SDK1: variants seen among roughly 807,000 people sequenced by gnomAD.
SDK1 encodes the protein protein sidekick-1.
A neutral mutation model predicts 245.5 loss-of-function variants in SDK1; 157 were observed. The ratio of observed to expected loss-of-function variants is 0.64; its 90% CI spans 0.56 to 0.73. The LOEUF is 0.73. Among genes scored for constraint, SDK1 ranks in the 30% least tolerant of loss-of-function variants. SDK1 has a pLI of 0.00. For synonymous variants in SDK1, 1,647 were observed against 1,278.5 expected (o/e 1.29, Z -6.15); for missense variants, 3,583 against 3,002.3 (o/e 1.19, Z -4.52).
chr7:4,154,531 G>A (rs1780598086), intron 30 of SDK1, among the ~76,000 whole-genome samples: 2 of 152,180 alleles, frequency 1.3e-5, no homozygotes, highest in South Asian at 4.1e-4. Context: ...CTGGGGACAA[G>A]TGAGGGCTCC....
chr7:3,367,187 C>T (rs942719453), intron 1 of SDK1, among the ~76,000 whole-genome samples: 2 of 150,324 alleles, frequency 1.3e-5, no homozygotes, highest in East Asian at 3.9e-4. Context: ...TTATTTTTTG[C>T]CAGGAATGAG....
intron 5 of SDK1, among the ~76,000 whole-genome samples, chr7:3,843,669 T>C (rs1322229387): frequency 1.3e-5 from 2 of 152,220 alleles, no homozygotes; most frequent in African/African-American, 2.4e-5. Flanking sequence ...ATTATGAAGC[T>C]GGTCTCAGAA....
At chr7:3,470,158 A>T (rs1208394347) in intron 1 of SDK1, among the ~76,000 whole-genome samples, 1 of 152,092 alleles carries the variant, frequency 6.6e-6, no homozygotes, top group East Asian at 1.9e-4. Context: ...GTCTAGTTTG[A>T]ATCTACATAC....
At chr7:3,989,741 C>T (rs762629999) in intron 14 of SDK1, among the ~76,000 whole-genome samples, 7 of 152,320 alleles carry the variant, frequency 4.6e-5, no homozygotes, top group African/African-American at 1.2e-4. Flanking sequence ...AGCCTGTACA[C>T]GCCCCCAGCA....
At chr7:3,999,575 G>T (rs1413473291) in intron 14 of SDK1, among the ~76,000 whole-genome samples, 1 of 152,170 alleles carries the variant, frequency 6.6e-6, no homozygotes, top group East Asian at 1.9e-4. Context: ...CGGGGCGGGG[G>T]AGGCTGGTGG....
At chr7:4,254,514 A>G (rs999054459) in intron 44 of SDK1, among the ~76,000 whole-genome samples, 1 of 152,054 alleles carries the variant, frequency 6.6e-6, no homozygotes, top group Non-Finnish European at 1.5e-5. Flanking sequence ...AATTGTCATC[A>G]TACCTTTAAT....
At chr7:3,449,733 G>A (rs986365588) in intron 1 of SDK1, among the ~76,000 whole-genome samples, 1 of 152,202 alleles carries the variant, frequency 6.6e-6, no homozygotes, top group Non-Finnish European at 1.5e-5. Context: ...AGAGACCTGT[G>A]TAACTAGTTT....
chr7:4,015,957 T>G (rs907363289), intron 16 of SDK1, among the ~76,000 whole-genome samples: 6 of 152,268 alleles, frequency 3.9e-5, no homozygotes, highest in African/African-American at 1.4e-4. Context: ...TGACCATTTC[T>G]CGATTTCCTC....
At chr7:3,999,614 C>A (rs1369090577) in intron 14 of SDK1, among the ~76,000 whole-genome samples, 2 of 152,222 alleles carry the variant, frequency 1.3e-5, no homozygotes, top group Admixed American at 6.5e-5. Flanking sequence ...GGATGCAGGG[C>A]AGCAAAATGG....
At chr7:3,430,686 C>G (rs1272609811) in intron 1 of SDK1, among the ~76,000 whole-genome samples, 1 of 152,172 alleles carries the variant, frequency 6.6e-6, no homozygotes, top group Non-Finnish European at 1.5e-5. Flanking sequence ...CATTGACTGA[C>G]CCAACTGGAG....
intron 5 of SDK1, among the ~76,000 whole-genome samples, chr7:3,926,533 C>A (rs1439195352): frequency 6.7e-6 from 1 of 149,316 alleles, no homozygotes; most frequent in Non-Finnish European, 1.5e-5. Context: ...TGATCTCGGC[C>A]CACTGCAGCC....
rs1172049950 is a variant in SDK1, at chr7:3,734,942, C to G, written c.714-86508C>G. On this transcript the variant is annotated intron_variant, in intron 4 of 44. Transcript: ENST00000404826. ...AAGTAAGCAGTCTGCCTTGAGTGCCCTGTGTCCTTCATTCTCCCGACGTGC... is the reference window on the plus strand; with the variant it reads ...AAGTAAGCAGTCTGCCTTGAGTGCCGTGTGTCCTTCATTCTCCCGACGTGC... 2.0e-5 allele frequency among the ~76,000 whole-genome samples: 3 copies of G among 152,282 alleles called. No homozygotes were observed. The East Asian group carries it at 5.8e-4, about 29-fold the overall frequency.
chr7:3,566,504 C>T (rs1384534867), intron 1 of SDK1, among the ~76,000 whole-genome samples: 2 of 152,016 alleles, frequency 1.3e-5, no homozygotes, highest in Admixed American at 6.5e-5. Context: ...GGATTACAGG[C>T]GTGAGCCACC....
In SDK1 at chr7:3,389,949, T is replaced by C. The variant is rs1286102590; in HGVS notation, c.298+88065T>C. Among the ~76,000 whole-genome samples the C allele has an allele frequency of 1.3e-5, 2 of 152,290 alleles. 1 individual carries two copies. The highest frequency in any genetic ancestry group is 4.1e-4 in the South Asian group (2 of 4,830). ...AGTGTTTAATGTAGATATTAAAGAC[T>C]GCTGGTGAGGGCTTAGAAGGAAATG... On this transcript the variant is annotated intron_variant, in intron 1 of 44. Coordinates refer to ENST00000404826, the MANE Select transcript of SDK1 (RefSeq NM_152744.4).
intron 35 of SDK1, among the ~76,000 whole-genome samples, chr7:4,204,416 G>A (rs1383111388): frequency 1.3e-5 from 2 of 152,106 alleles, no homozygotes; most frequent in Non-Finnish European, 2.9e-5. Context: ...ACGGCAGGGT[G>A]GGCAGTGATA....
intron 37 of SDK1, among the ~76,000 whole-genome samples, chr7:4,208,802 C>G (rs75882698): frequency 6.6e-6 from 1 of 152,236 alleles, no homozygotes; most frequent in Non-Finnish European, 1.5e-5. Flanking sequence ...AGGGCTCAGA[C>G]AGGTGCTGCG....
In SDK1 at chr7:3,706,736, C is replaced by G. The variant is rs1055993859; in HGVS notation, c.713+64631C>G. The stretch of plus-strand genomic sequence containing the variant: ...TTTTTAAATTACTCATTCAGTCTCA[C>G]TGCTTGTTACTGGTCTGTTTAGAGT... On this transcript the variant is annotated intron_variant, in intron 4 of 44. Transcript: ENST00000404826. Among the ~76,000 whole-genome samples, 16 of 152,240 alleles carry G rather than the reference C, an allele frequency of 1.1e-4. No homozygotes were observed. The Middle Eastern group carries it at 0.01, about 97-fold the overall frequency.
At chr7:3,559,477 T>G (rs191467777) in intron 1 of SDK1, among the ~76,000 whole-genome samples, 1 of 151,662 alleles carries the variant, frequency 6.6e-6, no homozygotes, top group Non-Finnish European at 1.5e-5. Context: ...ATGTTTCAAA[T>G]TTTTTTTTAA....
chr7:4,107,111 C>CAGGGTGGGGAGGGTGGGGAGGGTGGGG (rs545680435), intron 22 of SDK1, among the ~76,000 whole-genome samples: 154 of 31,232 alleles, frequency 4.9e-3, no homozygotes, highest in Middle Eastern at 0.024. Flanking sequence ...TACACACATC[C>CAGGGTGGGGAGGGTGGGGAGGGTGGGG]AGGGTGGGGA....
Sources: allele counts gnomAD v4.1 joint callset (sites outside exome capture counted in the v4.1 genomes callset), GRCh38; gene constraint gnomAD v4.1.1; transcripts MANE v1.5; gene names NCBI Gene and HGNC (gene_info 2026-07-23, HGNC 2026-07-21).